The following RPS6KC1 variants were observed in gnomAD, a reference collection of about 807,000 sequenced individuals.
RPS6KC1 encodes inactive ribosomal protein S6 kinase delta-1.
Under a neutral mutation model 103.8 loss-of-function variants are expected in RPS6KC1, and 54 were observed. The ratio of observed to expected loss-of-function variants is 0.52; its 90% confidence interval spans 0.42 to 0.65. The LOEUF is 0.65. Ranked by LOEUF, RPS6KC1 falls within the 30% of genes least tolerant of loss-of-function variation. The pLI, the probability that RPS6KC1 is intolerant of heterozygous loss-of-function variation, is 0.00. For missense variants in RPS6KC1, 1,151 were observed against 1,253.8 expected (o/e 0.92, Z 1.24); for synonymous variants, 439 against 438.7 (o/e 1.00, Z -0.01).
chr1:213,598,072 T>C, the RPS6KC1 span, among the ~76,000 whole-genome samples: 2 of 152,044 alleles, frequency 1.3e-5, no homozygotes, highest in Admixed American at 6.6e-5. Context: ...GTAATGTAAA[T>C]ACATAAAAGG....
the RPS6KC1 span, among the ~76,000 whole-genome samples, chr1:213,682,743 T>G: frequency 2.0e-5 from 3 of 152,258 alleles, no homozygotes; most frequent in Admixed American, 6.5e-5. Flanking sequence ...CAATATATGG[T>G]AATTTTGGAA....
chr1:213,546,978 A>G, the RPS6KC1 span, among the ~76,000 whole-genome samples: 23,433 of 152,158 alleles, frequency 0.15, 2,010 homozygotes, highest in Non-Finnish European at 0.19. Flanking sequence ...ACTCTATTAC[A>G]TTTATTTATC....
the RPS6KC1 span, among the ~76,000 whole-genome samples, chr1:213,674,775 C>G: frequency 6.6e-6 from 1 of 152,186 alleles, no homozygotes; most frequent in Non-Finnish European, 1.5e-5. Flanking sequence ...CCCTTTTTCT[C>G]TGAAGGCTTG....
At chr1:213,356,425 GCA>G in the RPS6KC1 span, among the ~76,000 whole-genome samples, 2 of 152,122 alleles carry the variant, frequency 1.3e-5, no homozygotes, top group Admixed American at 6.5e-5. Flanking sequence ...GGAGGCCGAG[GCA>G]GCAGATCACC....
the RPS6KC1 span, among the ~76,000 whole-genome samples, chr1:213,495,678 C>T: frequency 6.6e-6 from 1 of 152,226 alleles, no homozygotes; most frequent in African/African-American, 2.4e-5. Context: ...AGTAACTTAC[C>T]TAAGGTTACA....
chr1:213,119,975 C>G (rs757591620), intron 5 of RPS6KC1, among the ~76,000 whole-genome samples: 6 of 152,164 alleles, frequency 3.9e-5, no homozygotes, highest in Non-Finnish European at 8.8e-5. Context: ...AGGACAGCCT[C>G]AGGCAAACTG....
At chr1:213,328,079 C>T in the RPS6KC1 span, among the ~76,000 whole-genome samples, 45,467 of 151,996 alleles carry the variant, frequency 0.3, 6,936 homozygotes, top group Middle Eastern at 0.39. Flanking sequence ...TGGTAGCTGT[C>T]GCCCATGTTA....
At chr1:213,522,372 G>C in the RPS6KC1 span, among the ~76,000 whole-genome samples, 1 of 152,214 alleles carries the variant, frequency 6.6e-6, no homozygotes, top group South Asian at 2.1e-4. Context: ...GGCAGGCGGA[G>C]TAGATTTAGC....
chr1:213,779,527 T>C, the RPS6KC1 span, among the ~76,000 whole-genome samples: 1 of 152,244 alleles, frequency 6.6e-6, no homozygotes, highest in Non-Finnish European at 1.5e-5. Flanking sequence ...CTTTCCGAGA[T>C]CGCAGACTTT....
the RPS6KC1 span, among the ~76,000 whole-genome samples, chr1:213,288,935 G>GTTGT: frequency 2.0e-5 from 3 of 152,110 alleles, no homozygotes; most frequent in African/African-American, 4.8e-5. Context: ...GGATTGGCTT[G>GTTGT]TTGTTTGTTT....
the RPS6KC1 span, among the ~76,000 whole-genome samples, chr1:213,613,016 C>T: frequency 6.6e-5 from 10 of 152,298 alleles, no homozygotes; most frequent in East Asian, 7.7e-4. Flanking sequence ...TTTATGTCTG[C>T]GGGCATTGCA....
the RPS6KC1 span, among the ~76,000 whole-genome samples, chr1:213,739,892 G>A: frequency 6.6e-6 from 1 of 152,052 alleles, no homozygotes; most frequent in Non-Finnish European, 1.5e-5. Flanking sequence ...GTGAATAAAA[G>A]CAATTAAAAC....
At chr1:213,216,268 A>G (rs2093656868) in intron 8 of RPS6KC1, among the ~76,000 whole-genome samples, 2 of 152,246 alleles carry the variant, frequency 1.3e-5, no homozygotes, top group Non-Finnish European at 2.9e-5. Context: ...ACAAAGATCA[A>G]AAGAGACAAG....
At chr1:213,167,439 AACACACACACACACACACACAC>A (rs199762137) in intron 6 of RPS6KC1, among the ~76,000 whole-genome samples, 4 of 75,990 alleles carry the variant, frequency 5.3e-5, no homozygotes, top group South Asian at 4.2e-4. Context: ...CAAGGTTGAA[AACACACACACACACACACACAC>A]ACACACACAC....
chr1:213,161,531 G>T (rs2090474320), intron 6 of RPS6KC1, among the ~76,000 whole-genome samples: 2 of 152,116 alleles, frequency 1.3e-5, no homozygotes, highest in Non-Finnish European at 1.5e-5. Flanking sequence ...ATGTTGGCCA[G>T]GCTGGTCTTG....
chr1:213,448,195 A>C, the RPS6KC1 span, among the ~76,000 whole-genome samples: 1 of 138,020 alleles, frequency 7.2e-6, no homozygotes, highest in Non-Finnish European at 1.5e-5. Context: ...ACACCATTGC[A>C]CTCCAGCCTG....
chr1:213,663,866 C>T, the RPS6KC1 span, among the ~76,000 whole-genome samples: 1 of 152,184 alleles, frequency 6.6e-6, no homozygotes, highest in Admixed American at 6.5e-5. Context: ...TCCTTCCCAT[C>T]AGCCCACAGC....
At chr1:213,457,427 A>T in the RPS6KC1 span, among the ~76,000 whole-genome samples, 1 of 152,198 alleles carries the variant, frequency 6.6e-6, no homozygotes, top group Non-Finnish European at 1.5e-5. Context: ...CCTTCCAGGG[A>T]TCTTCTGCCT....
chr1:213,726,140 A>G, the RPS6KC1 span, among the ~76,000 whole-genome samples: 1 of 152,178 alleles, frequency 6.6e-6, no homozygotes, highest in East Asian at 1.9e-4. Context: ...GCTGGAGTAC[A>G]GTGACACAAT....
Sources: gnomAD v4.1 joint callset for allele counts (sites outside exome capture counted in the v4.1 genomes callset) on GRCh38, gnomAD v4.1.1 for gene constraint, MANE v1.5 for transcripts, NCBI Gene and HGNC (gene_info 2026-07-23, HGNC 2026-07-21) for gene names.